SPAG17: variants seen among roughly 807,000 people sequenced by gnomAD.
SPAG17 encodes the protein sperm-associated antigen 17.
SPAG17 carries 169 observed loss-of-function variants against 273.6 expected under a neutral mutation model. That is an observed-to-expected ratio of 0.62 (90% CI 0.55 to 0.70). The LOEUF is 0.70. Among genes scored for constraint, SPAG17 ranks in the 30% least tolerant of loss-of-function variants. The pLI is 0.00. For missense variants in SPAG17, 2,557 were observed against 2,627.8 expected (o/e 0.97, Z 0.59); for synonymous variants, 825 against 873.2 (o/e 0.94, Z 0.97).
intron 3 of SPAG17, among the ~76,000 whole-genome samples, chr1:118,124,057 G>A (rs1338072867): frequency 1.3e-5 from 2 of 152,196 alleles, no homozygotes; most frequent in South Asian, 2.1e-4. Flanking sequence ...TTTTTATTAA[G>A]GAGTGTTTTT....
chr1:118,030,754 C>T (rs1302219119), intron 25 of SPAG17, among the ~76,000 whole-genome samples: 1 of 152,130 alleles, frequency 6.6e-6, no homozygotes, highest in Non-Finnish European at 1.5e-5. Flanking sequence ...ATCCATGTCC[C>T]TGCAAAGGAC....
Position 118,081,633 on chromosome 1 carries a change from C to T in SPAG17, c.1772G>A (p.Ser591Asn). ...LMHFCTSDVL[S>N]WNEVERAFKV... ...GAAGGCTCGTTCTACTTCATTCCAG[C>T]TCAAGACATCTGTAAGAAAGCAGAA... Residue 591 changes from serine (S) to asparagine (N), a missense_variant, in exon 14 of 49, where the codon AGC (serine) becomes AAC (asparagine). Coordinates refer to ENST00000336338, the MANE Select transcript of SPAG17 (RefSeq NM_206996.4). 1 of 1,613,568 alleles carries T rather than the reference C, an allele frequency of 6.2e-7. No homozygotes were observed. Among genetic ancestry groups the T allele is most frequent in the Non-Finnish European group, 8.5e-7 (1 of 1,179,698 alleles).
At chr1:118,101,295 T>C (rs1209580292) in intron 5 of SPAG17, among the ~76,000 whole-genome samples, 1 of 152,144 alleles carries the variant, frequency 6.6e-6, no homozygotes, top group East Asian at 1.9e-4. Context: ...GTCATGTTCC[T>C]GTATTCCCAG....
chr1:118,118,590 A>C (rs76604785), intron 3 of SPAG17, among the ~76,000 whole-genome samples: 1,717 of 152,266 alleles, frequency 0.011, 29 homozygotes, highest in African/African-American at 0.039. Context: ...ATGGAGAAAA[A>C]TGTTGCCAGG....
chr1:118,090,362 A>G (rs1655285490), intron 10 of SPAG17, among the ~76,000 whole-genome samples: 1 of 152,258 alleles, frequency 6.6e-6, no homozygotes, highest in Non-Finnish European at 1.5e-5. Context: ...ATGTTAAAAA[A>G]TTAGAAATCA....
At chr1:118,142,553 T>C (rs1193325906) in intron 3 of SPAG17, among the ~76,000 whole-genome samples, 2 of 152,220 alleles carry the variant, frequency 1.3e-5, no homozygotes, top group Non-Finnish European at 2.9e-5. Context: ...ATGTTGAATA[T>C]TGCTGAGAAT....
At chr1:118,071,871 A>G (rs1653627103) in intron 17 of SPAG17, among the ~76,000 whole-genome samples, 1 of 152,188 alleles carries the variant, frequency 6.6e-6, no homozygotes, top group Non-Finnish European at 1.5e-5. Context: ...ATTTCCAGAA[A>G]AAAAAGGACA....
At chr1:118,159,819 T>G (rs1659822543) in intron 1 of SPAG17, among the ~76,000 whole-genome samples, 1 of 152,104 alleles carries the variant, frequency 6.6e-6, no homozygotes, top group African/African-American at 2.4e-5. Context: ...TGGAAAAGCT[T>G]TGCAGGGAAT....
intron 24 of SPAG17, among the ~76,000 whole-genome samples, chr1:118,034,250 C>A (rs915157570): frequency 6.6e-6 from 1 of 152,198 alleles, no homozygotes; most frequent in Non-Finnish European, 1.5e-5. Context: ...TAGAACCCGT[C>A]AGGTACAATG....
chr1:118,096,836 AT>A (rs1246892223), intron 7 of SPAG17, among the ~76,000 whole-genome samples: 3 of 152,136 alleles, frequency 2.0e-5, no homozygotes, highest in Non-Finnish European at 2.9e-5. Flanking sequence ...AAACTCCTCA[AT>A]AGCAGGGGCC....
Position 117,983,838 on chromosome 1 carries a change from C to G in SPAG17, c.5845G>C (p.Val1949Leu), listed in dbSNP as rs770863719. The change falls in exon 42 of 49, where the codon GTT (valine) becomes CTT (leucine). Residue 1949 changes from valine (V) to leucine (L), a missense_variant. Physicochemically the swap from Val to Leu is conservative, Grantham distance 32. Transcript: ENST00000336338. The stretch of plus-strand genomic sequence containing the variant: ...AGATTAAGATCAGATGTATCTTGAA[C>G]AGCTGTTTCGTTTGCATCTTCATTT... ...KKNEDANETA[V>L]QDTSDLNLDF... is the part of the protein sequence containing the mutation. The G allele has an allele frequency of 8.1e-6, 13 of 1,612,068 alleles. No individual in the cohort carries two copies. Among genetic ancestry groups the G allele is most frequent in the East Asian group, 2.2e-5 (1 of 44,816 alleles).
intron 20 of SPAG17, among the ~76,000 whole-genome samples, chr1:118,046,740 A>G (rs1189798100): frequency 6.6e-6 from 1 of 152,198 alleles, no homozygotes. Context: ...AATTGAGTAC[A>G]ATTTTTAGTA....
intron 25 of SPAG17, among the ~76,000 whole-genome samples, 157 bp downstream of exon 25, chr1:118,031,532 CCTT>C (rs112712523): frequency 3.4e-4 from 51 of 152,192 alleles, no homozygotes; most frequent in African/African-American, 1.2e-3. Flanking sequence ...GGGTACAAAT[CCTT>C]CTTGTCTATT....
intron 32 of SPAG17, among the ~76,000 whole-genome samples, chr1:117,999,455 G>A (rs1342101315): frequency 6.6e-6 from 1 of 152,154 alleles, no homozygotes; most frequent in Non-Finnish European, 1.5e-5. Context: ...AACTGTAAAA[G>A]TGTTCCTATT....
At chr1:117,959,258 A>C (rs759481507) in intron 48 of SPAG17, 8 of 1,594,068 alleles carry the variant, frequency 5.0e-6, no homozygotes, top group Non-Finnish European at 6.8e-6. Context: ...GAAGTGGGAG[A>C]AAATTTTTTA....
intron 18 of SPAG17, 89 bp from the exon 19 acceptor site, chr1:118,056,003 C>A: frequency 9.2e-7 from 1 of 1,088,480 alleles, no homozygotes; most frequent in Non-Finnish European, 1.3e-6. Flanking sequence ...ACTTTTTGCT[C>A]ATGTCAAAAA....
chr1:118,030,981 G>A (rs1648390836), intron 25 of SPAG17, among the ~76,000 whole-genome samples: 1 of 152,010 alleles, frequency 6.6e-6, no homozygotes, highest in Non-Finnish European at 1.5e-5. Context: ...TGGGTCAAAT[G>A]GTATTTCTGG....
At chr1:118,090,046 C>T (rs1444232518) in intron 10 of SPAG17, among the ~76,000 whole-genome samples, 1 of 152,156 alleles carries the variant, frequency 6.6e-6, no homozygotes, top group East Asian at 1.9e-4. Flanking sequence ...ATTAAACCTC[C>T]TTTGTTTATA....
chr1:118,131,421 C>CT lies in SPAG17; in HGVS notation c.316-15981dup, dbSNP rs576873496. ...CCCCTGGCTACTCAGATTAGTAACT[C>CT]TTCTACTTCTCACCCTTTCCTCCCT... is the stretch of plus-strand genomic sequence containing the variant. On this transcript the variant is annotated intron_variant, in intron 3 of 48. Transcript: ENST00000336338. 3.4e-3 allele frequency among the ~76,000 whole-genome samples: 515 copies of CT among 152,326 alleles called. 2 individuals carry two copies. Among genetic ancestry groups the CT allele is most frequent in the Non-Finnish European group, 6.4e-3 (432 of 68,016 alleles).
Sources: allele counts gnomAD v4.1 joint callset (sites outside exome capture counted in the v4.1 genomes callset), GRCh38; gene constraint gnomAD v4.1.1; transcripts MANE v1.5; gene names NCBI Gene and HGNC (gene_info 2026-07-23, HGNC 2026-07-21).